SLC22A16: variants seen among roughly 807,000 people sequenced by gnomAD.
The protein encoded by SLC22A16 is solute carrier family 22 member 16.
Under a neutral mutation model 52.9 loss-of-function variants are expected in SLC22A16, and 53 were observed. The ratio of observed to expected loss-of-function variants is 1.00; its 90% CI spans 0.80 to 1.26. The LOEUF (loss-of-function observed/expected upper bound fraction) is 1.26. Among genes scored for constraint, SLC22A16 ranks in the 50% most tolerant of loss-of-function variants. SLC22A16 has a pLI of 0.00. For synonymous variants in SLC22A16, 291 were observed against 268.8 expected, an observed-to-expected ratio of 1.08 and a Z score of -0.81; for missense variants, 726 against 704.0, an observed-to-expected ratio of 1.03 and a Z score of -0.35.
chr6:110,474,208 T>C (rs1429520759), intron 1 of SLC22A16, among the ~76,000 whole-genome samples: 1 of 151,980 alleles, frequency 6.6e-6, no homozygotes, highest in Non-Finnish European at 1.5e-5. Context: ...GTGGAAAAAA[T>C]ATCTTCCACG....
intron 4 of SLC22A16, chr6:110,440,164 G>C (rs1774907858): frequency 6.6e-6 from 1 of 152,198 alleles, no homozygotes; most frequent in African/African-American, 2.4e-5. Context: ...CTCTCAGGAG[G>C]TCACCATACT....
intron 2 of SLC22A16, among the ~76,000 whole-genome samples, chr6:110,451,380 C>A (rs1250578691): frequency 6.6e-6 from 1 of 152,164 alleles, no homozygotes; most frequent in Non-Finnish European, 1.5e-5. Context: ...AATCAGTCTT[C>A]AAGGTTAACC....
intron 1 of SLC22A16, among the ~76,000 whole-genome samples, chr6:110,458,501 T>C (rs1176430784): frequency 6.6e-6 from 1 of 152,222 alleles, no homozygotes; most frequent in African/African-American, 2.4e-5. Context: ...AGCAACAAAA[T>C]AAATGGCATA....
At chr6:110,430,786 A>C (rs1582518995) in intron 7 of SLC22A16, among the ~76,000 whole-genome samples, 1 of 152,324 alleles carries the variant, frequency 6.6e-6, no homozygotes, top group East Asian at 1.9e-4. Context: ...AGCCCCCAGA[A>C]TTCGCCTTGC....
intron 2 of SLC22A16, among the ~76,000 whole-genome samples, chr6:110,448,242 T>G (rs930075874): frequency 6.6e-6 from 1 of 152,250 alleles, no homozygotes; most frequent in Non-Finnish European, 1.5e-5. Context: ...AATTCCCTAA[T>G]GATTAATGAT....
chr6:110,456,205 C>T (rs867613307), intron 2 of SLC22A16: 2 of 253,260 alleles, frequency 7.9e-6, no homozygotes, highest in African/African-American at 2.2e-5. Flanking sequence ...TACTTTTTTT[C>T]TGTATTAATT....
Position 110,442,397 on chromosome 6 carries a change from G to A in SLC22A16, c.1030C>T (p.His344Tyr), listed in dbSNP as rs1775003974. The A allele has an allele frequency of 1.2e-6, 2 of 1,614,222 alleles. No homozygotes were observed. The highest frequency in any genetic ancestry group is 1.3e-5 in the African/African-American group (1 of 75,040). Residue 344 changes from histidine to tyrosine, a missense_variant, in exon 4 of 8, where the codon CAC becomes TAC. Transcript: ENST00000368919. ...VSNSPTEVQKHNLSYLFYNWS... is the reference protein window; with the variant it reads ...VSNSPTEVQKYNLSYLFYNWS... Reference sequence around the variant, plus strand: ...TTATAAAACAGATATGATAGGTTGTGCTTCTGAACTTCAGTGGGGCTATTA... The same window carrying A: ...TTATAAAACAGATATGATAGGTTGTACTTCTGAACTTCAGTGGGGCTATTA...
At chr6:110,432,007 T>G (rs1378818282) in intron 6 of SLC22A16, among the ~76,000 whole-genome samples, 1 of 152,128 alleles carries the variant, frequency 6.6e-6, no homozygotes, top group Non-Finnish European at 1.5e-5. Flanking sequence ...CTGTTCTATT[T>G]CAACTTTTTA....
intron 7 of SLC22A16, among the ~76,000 whole-genome samples, chr6:110,430,318 T>C (rs742939): frequency 0.34 from 51,116 of 151,774 alleles, 8,877 homozygotes; most frequent in African/African-American, 0.4. Context: ...TTGGGAGACA[T>C]TGAGTTTGTG....
At chr6:110,469,913 T>C (rs1489477253) in intron 1 of SLC22A16, among the ~76,000 whole-genome samples, 1 of 152,250 alleles carries the variant, frequency 6.6e-6, no homozygotes, top group Non-Finnish European at 1.5e-5. Flanking sequence ...TTATAAATTT[T>C]ATTTTCAGCA....
intron 1 of SLC22A16, among the ~76,000 whole-genome samples, chr6:110,462,161 C>T (rs1451052136): frequency 2.6e-5 from 4 of 152,200 alleles, no homozygotes; most frequent in Admixed American, 2.6e-4. Flanking sequence ...TTTCAATCAT[C>T]TCTCACCACA....
At chr6:110,443,533 A>T (rs1256668523) in intron 3 of SLC22A16, among the ~76,000 whole-genome samples, 1 of 152,152 alleles carries the variant, frequency 6.6e-6, no homozygotes, top group Non-Finnish European at 1.5e-5. Flanking sequence ...AAAAAAAAAA[A>T]TAACAAGTTT....
chr6:110,451,010 T>C (rs984792495), intron 2 of SLC22A16, among the ~76,000 whole-genome samples: 3 of 152,234 alleles, frequency 2.0e-5, no homozygotes, highest in African/African-American at 7.2e-5. Context: ...TTATAAACAG[T>C]ATAGGTAAGT....
chr6:110,442,830 G>A (rs764978169), intron 3 of SLC22A16, 55 bp from the exon 4 acceptor site: 35 of 1,514,462 alleles, frequency 2.3e-5, no homozygotes, highest in Non-Finnish European at 2.9e-5. Flanking sequence ...AACTATTGAG[G>A]AGTCTGACCC....
intron 3 of SLC22A16, among the ~76,000 whole-genome samples, chr6:110,443,957 T>C (rs1399615657): frequency 6.6e-6 from 1 of 152,142 alleles, no homozygotes; most frequent in Non-Finnish European, 1.5e-5. Context: ...TGTCAGGGGC[T>C]AGGGAGACAG....
intron 2 of SLC22A16, 70 bp downstream of exon 2, chr6:110,456,468 G>T (rs978570103): frequency 3.8e-5 from 58 of 1,535,104 alleles, no homozygotes; most frequent in African/African-American, 6.9e-5. Flanking sequence ...ATAATTCCTT[G>T]TGTCCCAAGA....
intron 1 of SLC22A16, among the ~76,000 whole-genome samples, chr6:110,465,111 AAAACTC>A (rs963745346): frequency 6.6e-6 from 1 of 152,082 alleles, no homozygotes; most frequent in African/African-American, 2.4e-5. Context: ...AAAAAAAAAA[AAAACTC>A]AACAAACTAG....
At chr6:110,434,407 G>C (rs945543402) in intron 6 of SLC22A16, among the ~76,000 whole-genome samples, 1 of 152,128 alleles carries the variant, frequency 6.6e-6, no homozygotes, top group African/African-American at 2.4e-5. Flanking sequence ...AGGATGTACT[G>C]TTAAGGCCTG....
chr6:110,436,391 G>A (rs1774730326), intron 5 of SLC22A16, among the ~76,000 whole-genome samples: 1 of 152,188 alleles, frequency 6.6e-6, no homozygotes, highest in Non-Finnish European at 1.5e-5. Flanking sequence ...TTAGGAGGCT[G>A]AGGCAGGAGA....
Sources: gnomAD v4.1 joint callset for allele counts (sites outside exome capture counted in the v4.1 genomes callset) on GRCh38, gnomAD v4.1.1 for gene constraint, MANE v1.5 for transcripts, NCBI Gene and HGNC (gene_info 2026-07-23, HGNC 2026-07-21) for gene names.